Variants in CNTN4 observed in about 807,000 individuals in gnomAD.
CNTN4 encodes contactin-4.
CNTN4 carries 77 observed loss-of-function variants against 122.5 expected under a neutral mutation model. The ratio of observed to expected loss-of-function variants is 0.63; its 90% CI spans 0.52 to 0.76. CNTN4 has a LOEUF of 0.76. CNTN4 is among the 30% of genes least tolerant of loss of function. CNTN4 has a pLI of 0.00. For synonymous variants in CNTN4, 512 were observed against 447.0 expected, an observed-to-expected ratio of 1.15 and a Z score of -1.83; for missense variants, 1,256 against 1,259.1, an observed-to-expected ratio of 1.00 and a Z score of 0.04.
intron 7 of CNTN4, among the ~76,000 whole-genome samples, chr3:2,862,806 C>T (rs1230243917): frequency 2.0e-5 from 3 of 152,144 alleles, no homozygotes; most frequent in African/African-American, 7.2e-5. Flanking sequence ...GATAGTGCTT[C>T]ATGTAACCCA....
At chr3:2,413,455 A>G (rs1244134286) in intron 3 of CNTN4, among the ~76,000 whole-genome samples, 5 of 152,232 alleles carry the variant, frequency 3.3e-5, no homozygotes, top group Non-Finnish European at 7.3e-5. Context: ...TTTGTTGGAC[A>G]TCTAGGTGTG....
chr3:2,214,977 A>C (rs543020884), intron 2 of CNTN4, among the ~76,000 whole-genome samples: 1 of 152,232 alleles, frequency 6.6e-6, no homozygotes, highest in African/African-American at 2.4e-5. Context: ...GTTGATACCA[A>C]TTCATATCCA....
At chr3:2,422,210 T>A (rs2047644754) in intron 3 of CNTN4, among the ~76,000 whole-genome samples, 1 of 152,196 alleles carries the variant, frequency 6.6e-6, no homozygotes, top group Non-Finnish European at 1.5e-5. Context: ...GAAGTCAATT[T>A]GTGTTATCCC....
intron 2 of CNTN4, among the ~76,000 whole-genome samples, chr3:2,135,621 T>C (rs944289867): frequency 3.3e-5 from 5 of 152,058 alleles, no homozygotes; most frequent in Non-Finnish European, 7.4e-5. Flanking sequence ...AGCTAAAGTG[T>C]GGGGGCAGAG....
chr3:2,980,027 A>G (rs773887324), intron 13 of CNTN4, among the ~76,000 whole-genome samples: 1 of 152,210 alleles, frequency 6.6e-6, no homozygotes, highest in Non-Finnish European at 1.5e-5. Context: ...AGCATTTTTA[A>G]AGGTCCTGTG....
At chr3:2,928,727 G>C (rs2094494787) in intron 13 of CNTN4, among the ~76,000 whole-genome samples, 1 of 152,156 alleles carries the variant, frequency 6.6e-6, no homozygotes, top group African/African-American at 2.4e-5. Flanking sequence ...CCTAGATTCT[G>C]TGTTTTGAAA....
intron 2 of CNTN4, among the ~76,000 whole-genome samples, chr3:2,208,177 A>C (rs185512880): frequency 2.0e-5 from 3 of 152,180 alleles, no homozygotes; most frequent in African/African-American, 4.8e-5. Flanking sequence ...GTAAATTTCA[A>C]ACCTTCTGGG....
At chr3:2,774,814 T>A (rs779352736) in intron 6 of CNTN4, among the ~76,000 whole-genome samples, 3 of 152,260 alleles carry the variant, frequency 2.0e-5, no homozygotes, top group Admixed American at 6.5e-5. Flanking sequence ...TATTTAATAC[T>A]GTTTTCTTAT....
At chr3:2,784,368 T>C (rs2149895205) in intron 6 of CNTN4, among the ~76,000 whole-genome samples, 1 of 152,336 alleles carries the variant, frequency 6.6e-6, no homozygotes, top group Admixed American at 6.5e-5. Context: ...ACTTTGTTTA[T>C]TGCGCACCTC....
At chr3:2,533,919 T>A (rs2077696920) in intron 3 of CNTN4, among the ~76,000 whole-genome samples, 1 of 152,072 alleles carries the variant, frequency 6.6e-6, no homozygotes, top group Non-Finnish European at 1.5e-5. Flanking sequence ...TTTTGAGAAG[T>A]GTCTGTTCAT....
Position 2,250,485 on chromosome 3 carries a change from T to C in CNTN4, c.-144-88693T>C, listed in dbSNP as rs1352352922. On this transcript the variant is annotated intron_variant, in intron 2 of 24. Transcript: ENST00000418658. ...AGTTAATAATAGCATTTCTATAGCA[T>C]TGTAGGATGACTGTAGTTGATAATA... 3.9e-5 allele frequency among the ~76,000 whole-genome samples: 6 copies of C among 152,014 alleles called. No homozygotes were observed. The South Asian group carries it at 1.2e-3, about 31-fold the overall frequency.
At position 2,767,082 on chromosome 3, in the gene CNTN4, GT is replaced by G. The variant is rs1273311766; in HGVS notation, c.358+21392del. Among the ~76,000 whole-genome samples, 4 of 152,118 alleles carry G rather than the reference GT, an allele frequency of 2.6e-5. No individual in the cohort carries two copies. The South Asian group carries it at 8.3e-4, about 32-fold the overall frequency. On this transcript the variant is annotated intron_variant, in intron 6 of 24. Coordinates refer to ENST00000418658, the MANE Select transcript of CNTN4 (RefSeq NM_175607.3). ...CATGGATTAAGTGAGATTAAAAGTA[GT>G]TTTTTTATTAGATCTCAAAAAAAAT...
chr3:2,742,555 TACA>T (rs1206465299), intron 5 of CNTN4, among the ~76,000 whole-genome samples: 1 of 29,618 alleles, frequency 3.4e-5, no homozygotes, highest in Admixed American at 5.0e-4. Flanking sequence ...AGGATTTTGC[TACA>T]GCGAATCCTA....
At chr3:2,160,025 C>T (rs1202011579) in intron 2 of CNTN4, among the ~76,000 whole-genome samples, 1 of 151,948 alleles carries the variant, frequency 6.6e-6, no homozygotes, top group South Asian at 2.1e-4. Flanking sequence ...TTCCTAATTT[C>T]TTATGCCTGT....
intron 13 of CNTN4, among the ~76,000 whole-genome samples, chr3:2,971,723 TA>T (rs1227532126): frequency 7.2e-5 from 11 of 152,192 alleles, no homozygotes; most frequent in African/African-American, 2.7e-4. Flanking sequence ...TTCAGATCCA[TA>T]AAAACTTTAT....
chr3:2,787,529 G>A (rs375662852), intron 6 of CNTN4, among the ~76,000 whole-genome samples: 30 of 152,256 alleles, frequency 2.0e-4, no homozygotes, highest in Non-Finnish European at 3.5e-4. Flanking sequence ...GTCAGTGTCC[G>A]AACTTTTTAC....
intron 3 of CNTN4, among the ~76,000 whole-genome samples, chr3:2,428,501 T>G (rs2047931353): frequency 6.6e-6 from 1 of 152,190 alleles, no homozygotes. Flanking sequence ...TGGCTGCCCT[T>G]AACATTTTTT....
intron 3 of CNTN4, among the ~76,000 whole-genome samples, chr3:2,462,749 G>A (rs915736427): frequency 1.3e-5 from 2 of 152,148 alleles, no homozygotes; most frequent in African/African-American, 2.4e-5. Context: ...TCAACTGTGT[G>A]AATCTTACAT....
chr3:2,257,102 T>A (rs552276184), intron 2 of CNTN4, among the ~76,000 whole-genome samples: 21 of 152,272 alleles, frequency 1.4e-4, no homozygotes, highest in South Asian at 8.3e-4. Flanking sequence ...CATAGACCAA[T>A]GGAATAGAAC....
Sources: allele counts gnomAD v4.1 joint callset (sites outside exome capture counted in the v4.1 genomes callset), GRCh38; gene constraint gnomAD v4.1.1; transcripts MANE v1.5; gene names NCBI Gene and HGNC (gene_info 2026-07-23, HGNC 2026-07-21).